Variants in PRKAG2 observed in about 807,000 individuals in gnomAD.
The protein encoded by PRKAG2 is protein kinase AMP-activated non-catalytic subunit gamma 2, also known as 5'-AMP-activated protein kinase subunit gamma-2.
PRKAG2 carries 26 observed loss-of-function variants against 69.6 expected under a neutral mutation model. That is an observed-to-expected ratio of 0.37 (90% CI 0.27 to 0.52). PRKAG2 has a LOEUF of 0.52. Among genes scored for constraint, PRKAG2 ranks in the 20% least tolerant of loss-of-function variants. The pLI is 0.90. For synonymous variants in PRKAG2, 293 were observed against 285.0 expected (o/e 1.03, Z -0.28); for missense variants, 557 against 740.0 (o/e 0.75, Z 2.87).
chr7:151,683,903 ACT>A (rs1417535784), intron 3 of PRKAG2, among the ~76,000 whole-genome samples: 2 of 151,764 alleles, frequency 1.3e-5, no homozygotes, highest in East Asian at 1.9e-4. Flanking sequence ...TCTGCTTAGG[ACT>A]CTGTTTTCTC....
chr7:151,656,423 GTGTGCACC>G (rs1829428543), intron 4 of PRKAG2, among the ~76,000 whole-genome samples: 1 of 152,130 alleles, frequency 6.6e-6, no homozygotes, highest in Non-Finnish European at 1.5e-5. Flanking sequence ...GCACATGGTG[GTGTGCACC>G]TGTAATCCCA....
rs1480194393 is a variant in PRKAG2, at chr7:151,780,183, C to A, written c.466+969G>T. Among the ~76,000 whole-genome samples the A allele has an allele frequency of 6.6e-6, 1 of 152,244 alleles. No homozygotes were observed. Among genetic ancestry groups the A allele is most frequent in the Non-Finnish European group, 1.5e-5 (1 of 68,038 alleles). On this transcript the variant is annotated intron_variant, in intron 3 of 15. Transcript: ENST00000287878. This position sits in a 1 kb window ranked among gnomAD's most constrained non-coding sequence, Gnocchi z 4.2. ...CAAGGTGGTGGATGAAGTAGTGAGG[C>A]TGACAGAGACCTGGCTTCTCGTCCT...
At chr7:151,685,644 C>T (rs1834604821) in intron 3 of PRKAG2, among the ~76,000 whole-genome samples, 2 of 152,006 alleles carry the variant, frequency 1.3e-5, no homozygotes, top group Admixed American at 1.3e-4. Context: ...TGGCCTGTGC[C>T]CTTGGCCCCA....
At chr7:151,717,953 G>A (rs1345003974) in intron 3 of PRKAG2, among the ~76,000 whole-genome samples, 1 of 152,200 alleles carries the variant, frequency 6.6e-6, no homozygotes, top group Non-Finnish European at 1.5e-5. Context: ...TGCCCACGCA[G>A]CATCTTTTTA....
At position 151,694,578 on chromosome 7, in the gene PRKAG2, C is replaced by T. The variant is rs537981662; in HGVS notation, c.467-18941G>A. On this transcript the variant is annotated intron_variant, in intron 3 of 15. Transcript: ENST00000287878. ...CCCTTCATGACTGCGTTCTCTCACT[C>T]AGCACAATGCCCTCAAGGTTCATCC... Among the ~76,000 whole-genome samples, 3 of 152,338 alleles carry T rather than the reference C, an allele frequency of 2.0e-5. No homozygotes were observed. The South Asian group carries it at 6.2e-4, about 32-fold the overall frequency.
At chr7:151,845,284 C>A (rs1399172746) in intron 1 of PRKAG2, among the ~76,000 whole-genome samples, 1 of 152,198 alleles carries the variant, frequency 6.6e-6, no homozygotes. Flanking sequence ...GAAAATGAAT[C>A]TTGGGCTAAT....
chr7:151,763,397 C>A (rs573551675), intron 3 of PRKAG2, among the ~76,000 whole-genome samples: 1 of 152,238 alleles, frequency 6.6e-6, no homozygotes, highest in Admixed American at 6.5e-5. Context: ...TTGGTGAAAC[C>A]CCATCATGTG....
intron 3 of PRKAG2, among the ~76,000 whole-genome samples, chr7:151,701,192 C>T (rs1370613537): frequency 6.6e-6 from 1 of 152,180 alleles, no homozygotes; most frequent in Non-Finnish European, 1.5e-5. Flanking sequence ...AGGAGGAGGT[C>T]TGAACAGAAA....
At chr7:151,804,935 C>T (rs183356415) in intron 1 of PRKAG2, among the ~76,000 whole-genome samples, 60 of 152,290 alleles carry the variant, frequency 3.9e-4, no homozygotes, top group Admixed American at 1.6e-3. Context: ...AGTTCCTCGC[C>T]GTGGCTCACT....
At position 151,781,558 on chromosome 7, in the gene PRKAG2, A is replaced by C. The variant is rs1313297518; in HGVS notation, c.187-127T>G. The C allele has an allele frequency of 2.5e-6, 3 of 1,194,152 alleles. No individual in the cohort carries two copies. The highest frequency in any genetic ancestry group is 3.5e-6 in the Non-Finnish European group (3 of 845,392). The allele number at this position is 1,194,152 out of a possible 1,614,324, so 74.0% of individuals were successfully genotyped here. Reference sequence around the variant, plus strand: ...CCCCATAGTACCCTCCCAGAGAAACAGCCCTAAGCTCTTCCACAGAGGTAG... The same window carrying C: ...CCCCATAGTACCCTCCCAGAGAAACCGCCCTAAGCTCTTCCACAGAGGTAG... On this transcript the variant is annotated intron_variant, in intron 2 of 15. Transcript: ENST00000287878. The surrounding 1 kb of genome is among the most constrained non-coding windows in gnomAD (Gnocchi z 6.1).
chr7:151,839,507 A>C (rs1331301250), intron 1 of PRKAG2, among the ~76,000 whole-genome samples: 1 of 152,242 alleles, frequency 6.6e-6, no homozygotes, highest in Non-Finnish European at 1.5e-5. Context: ...CGGAATGAGA[A>C]TAGCAATGTC....
chr7:151,851,722 G>A (rs1475906306), intron 1 of PRKAG2, among the ~76,000 whole-genome samples: 1 of 152,186 alleles, frequency 6.6e-6, no homozygotes, highest in Non-Finnish European at 1.5e-5. Flanking sequence ...CTTAGAAGTG[G>A]ATGCTTCTGG....
At chr7:151,818,117 G>A (rs778864009) in intron 1 of PRKAG2, among the ~76,000 whole-genome samples, 1 of 152,190 alleles carries the variant, frequency 6.6e-6, no homozygotes, top group Non-Finnish European at 1.5e-5. Flanking sequence ...AGTATGTTCT[G>A]ATAGAGCCAG....
chr7:151,604,133 A>C (rs1352226978), intron 5 of PRKAG2, among the ~76,000 whole-genome samples: 1 of 152,104 alleles, frequency 6.6e-6, no homozygotes, highest in African/African-American at 2.4e-5. Flanking sequence ...ACACACAGGC[A>C]GCCCCCTAGT....
At chr7:151,790,401 C>T (rs1034853105) in intron 1 of PRKAG2, 1 of 152,182 alleles carries the variant, frequency 6.6e-6, no homozygotes, top group Non-Finnish European at 1.5e-5. Context: ...TTAGATACAC[C>T]TTTATTACCA....
At chr7:151,873,239 TCCCA>T (rs1237651672) in intron 1 of PRKAG2, among the ~76,000 whole-genome samples, 1 of 152,174 alleles carries the variant, frequency 6.6e-6, no homozygotes, top group Non-Finnish European at 1.5e-5. Context: ...TGTGGGGTGC[TCCCA>T]CTGGTTCCTT....
At chr7:151,851,860 C>T (rs752130863) in intron 1 of PRKAG2, among the ~76,000 whole-genome samples, 30 of 152,168 alleles carry the variant, frequency 2.0e-4, no homozygotes, top group Non-Finnish European at 4.3e-4. Flanking sequence ...TAAAACACTG[C>T]TCAGACTCAA....
chr7:151,723,668 G>A (rs543997454), intron 3 of PRKAG2, among the ~76,000 whole-genome samples: 2 of 152,280 alleles, frequency 1.3e-5, no homozygotes, highest in Admixed American at 6.5e-5. Flanking sequence ...GTGGCAGTAG[G>A]TCCCCCTGTG....
intron 1 of PRKAG2, among the ~76,000 whole-genome samples, chr7:151,857,176 G>A (rs1273064905): frequency 2.0e-5 from 3 of 148,324 alleles, no homozygotes; most frequent in Non-Finnish European, 4.5e-5. Context: ...GATGGGCACA[G>A]AACGCGCAGC....
Sources: allele counts gnomAD v4.1 joint callset (sites outside exome capture counted in the v4.1 genomes callset), GRCh38; gene constraint gnomAD v4.1.1; non-coding constraint Gnocchi (gnomAD v3.1); transcripts MANE v1.5; gene names NCBI Gene and HGNC (gene_info 2026-07-23, HGNC 2026-07-21).